ESD: variants seen among roughly 807,000 people sequenced by gnomAD.
ESD encodes S-formylglutathione hydrolase.
Under a neutral mutation model 38.1 loss-of-function variants are expected in ESD, and 34 were observed. The ratio of observed to expected loss-of-function variants is 0.89; its 90% CI spans 0.68 to 1.19. The LOEUF (loss-of-function observed/expected upper bound fraction) is 1.19. ESD is among the 50% of genes most tolerant of loss of function. The pLI, the probability that ESD is intolerant of heterozygous loss-of-function variation, is 0.00. For synonymous variants in ESD, 97 were observed against 107.0 expected (o/e 0.91, Z 0.58); for missense variants, 334 against 327.2 (o/e 1.02, Z -0.16).
chr13:46,791,590 C>T (rs1435533825), intron 2 of ESD, among the ~76,000 whole-genome samples, 170 bp from the exon 3 acceptor site: 1 of 151,980 alleles, frequency 6.6e-6, no homozygotes, highest in East Asian at 1.9e-4. Context: ...GATTAACGCT[C>T]ATACATGCAT....
At chr13:46,787,709 T>C (rs1214958436) in intron 3 of ESD, among the ~76,000 whole-genome samples, 3 of 151,970 alleles carry the variant, frequency 2.0e-5, no homozygotes, top group Non-Finnish European at 4.4e-5. Flanking sequence ...TAAACACCTA[T>C]CTTTTTATCA....
At chr13:46,779,891 T>C (rs1230509372) in intron 8 of ESD, 44 bp downstream of exon 8, 1 of 1,473,862 alleles carries the variant, frequency 6.8e-7, no homozygotes, top group Admixed American at 1.8e-5. Flanking sequence ...TTAAACAAAC[T>C]TGAAACTTAA....
intron 9 of ESD, among the ~76,000 whole-genome samples, chr13:46,774,131 G>A (rs997816073): frequency 1.6e-4 from 25 of 152,118 alleles, no homozygotes; most frequent in Non-Finnish European, 3.1e-4. Flanking sequence ...TGTGTTAAGA[G>A]CCATCAGACA....
rs1874998301 is a variant in ESD, at chr13:46,781,496, T to C, written c.501A>G (p.Lys167=). The C allele has an allele frequency of 6.3e-7, 1 of 1,592,568 alleles. No individual in the cohort carries two copies. Among genetic ancestry groups the C allele is most frequent in the African/African-American group, 1.4e-5 (1 of 73,624 alleles). The change falls in exon 7 of 10, where the codon AAA becomes AAG. Residue 167 remains lysine, a splice_region_variant and synonymous_variant. Coordinates refer to ENST00000378720, the MANE Select transcript of ESD (RefSeq NM_001984.2). ...ICALKNPGKY[K]SVSAFAPICN... The stretch of plus-strand genomic sequence containing the variant: ...TCACTAGAAGTTTAGATAATCTTAC[T>C]TTGTATTTTCCAGGATTTTTCAAAG...
intron 3 of ESD, among the ~76,000 whole-genome samples, chr13:46,790,930 GT>G (rs1418680364): frequency 1.3e-5 from 2 of 152,158 alleles, no homozygotes; most frequent in African/African-American, 2.4e-5. Context: ...GTGCGTGTGT[GT>G]TTAATCTCTT....
intron 2 of ESD, among the ~76,000 whole-genome samples, chr13:46,792,833 A>G (rs947529019): frequency 2.0e-5 from 3 of 152,014 alleles, no homozygotes; most frequent in Admixed American, 2.0e-4. Flanking sequence ...ATTTTAATAT[A>G]TTAATACATA....
chr13:46,777,517 G>A lies in ESD; in HGVS notation c.707C>T (p.Pro236Leu). The A allele has an allele frequency of 6.2e-7, 1 of 1,611,232 alleles. No homozygotes were observed. Residue 236 changes from proline to leucine, a missense_variant, in exon 9 of 10, where the codon CCT becomes CTT. By Grantham distance (98) the Pro-to-Leu change is moderately conservative. Coordinates refer to ENST00000378720, the MANE Select transcript of ESD (RefSeq NM_001984.2). ...DQFLLDGQLL[P>L]DNFIAACTEK... ...TGTACAGGCAGCTATGAAGTTATCA[G>A]GGAGTAACTGTCCATCTAAAAGAAA...
rs184715188 is a variant in ESD, at chr13:46,771,482, G to A, written c.783C>T (p.Ser261=). ...VFRLQEGYDH[S]YYFIATFITD... is the part of the protein sequence containing the mutation. ...TAATAAAGGTTGCAATGAAGTAGTA[G>A]CTATGATCATAACCCTAGAAGATAA... The change falls in exon 10 of 10, where the codon AGC becomes AGT. Residue 261 remains serine, a synonymous_variant. Coordinates refer to ENST00000378720, the MANE Select transcript of ESD (RefSeq NM_001984.2). 2.1e-5 allele frequency: 34 copies of A among 1,599,782 alleles called. No homozygotes were observed. In the East Asian group the frequency reaches 7.2e-4, roughly 34 times the overall value.
intron 9 of ESD, 98 bp downstream of exon 9, chr13:46,777,358 G>T: frequency 1.1e-6 from 1 of 941,618 alleles, no homozygotes; most frequent in Non-Finnish European, 1.5e-6. Flanking sequence ...ACTAGAAGTA[G>T]CATTTTATAT....
intron 1 of ESD, among the ~76,000 whole-genome samples, chr13:46,795,478 G>A (rs1875540605): frequency 6.6e-6 from 1 of 152,250 alleles, no homozygotes; most frequent in East Asian, 1.9e-4. Context: ...AACGCAGTTC[G>A]CCAGCTCACA....
Position 46,791,424 on chromosome 13 carries a change from T to C in ESD, c.-7-4A>G, listed in dbSNP as rs1189030259. The C allele has an allele frequency of 5.0e-6, 8 of 1,607,992 alleles. No homozygotes were observed. The highest frequency in any genetic ancestry group is 6.8e-6 in the Non-Finnish European group (8 of 1,176,050). On this transcript the variant is annotated splice_region_variant and splice_polypyrimidine_tract_variant and intron_variant, in intron 2 of 9. Transcript: ENST00000378720. ...CTGCTTCAATGCCATTCTTTTCCTA[T>C]TAGTAAAGAGTAATCTCATTAATTT...
At chr13:46,786,291 C>T (rs1336108878) in intron 4 of ESD, among the ~76,000 whole-genome samples, 2 of 151,864 alleles carry the variant, frequency 1.3e-5, no homozygotes, top group African/African-American at 4.8e-5. Flanking sequence ...TGATGAAACA[C>T]ACATGAGGGA....
intron 9 of ESD, chr13:46,776,580 G>A (rs1201319699): frequency 6.6e-6 from 1 of 152,054 alleles, no homozygotes; most frequent in Admixed American, 6.6e-5. Flanking sequence ...AGATGGATAG[G>A]AAAGAAATGA....
chr13:46,771,890 G>C (rs2138279629), intron 9 of ESD, among the ~76,000 whole-genome samples: 1 of 152,180 alleles, frequency 6.6e-6, no homozygotes, highest in Admixed American at 6.5e-5. Context: ...TCAATTGACA[G>C]TGTCAGTTGA....
At position 46,779,931 on chromosome 13, in the gene ESD, C is replaced by T. The variant is rs1874940233; in HGVS notation, c.600+4G>A. The T allele has an allele frequency of 6.3e-7, 1 of 1,596,098 alleles. No individual in the cohort carries two copies. Among genetic ancestry groups the T allele is most frequent in the Admixed American group, 1.7e-5 (1 of 59,018 alleles). On this transcript the variant is annotated splice_donor_region_variant and intron_variant, in intron 8 of 9. Coordinates refer to ENST00000378720, the MANE Select transcript of ESD (RefSeq NM_001984.2). Reference sequence around the variant, plus strand: ...GAGTATTAAGACAGCCATTCAGTACCTACCTTCCATTTACTTTGATCTGTT... The same window carrying T: ...GAGTATTAAGACAGCCATTCAGTACTTACCTTCCATTTACTTTGATCTGTT...
intron 9 of ESD, chr13:46,775,981 T>G: frequency 4.4e-6 from 1 of 229,634 alleles, no homozygotes; most frequent in Non-Finnish European, 8.8e-6. Context: ...ACAACAGAAA[T>G]TTTGGGCCCA....
At chr13:46,782,517 G>C in intron 6 of ESD, 150 bp downstream of exon 6, 3 of 670,998 alleles carry the variant, frequency 4.5e-6, no homozygotes, top group Non-Finnish European at 7.3e-6. Flanking sequence ...TTAAATTGCA[G>C]TAAATAGAAC....
At chr13:46,796,309 T>C (rs1440778416) in intron 1 of ESD, among the ~76,000 whole-genome samples, 1 of 152,244 alleles carries the variant, frequency 6.6e-6, no homozygotes, top group African/African-American at 2.4e-5. Context: ...AGCTAATCTA[T>C]GCCTCATTTG....
chr13:46,771,947 G>C (rs1048179520), intron 9 of ESD, among the ~76,000 whole-genome samples: 1 of 152,040 alleles, frequency 6.6e-6, no homozygotes, highest in African/African-American at 2.4e-5. Flanking sequence ...AGGATTTAGA[G>C]ATCTTAGAAA....
Sources: gnomAD v4.1 joint callset for allele counts (sites outside exome capture counted in the v4.1 genomes callset) on GRCh38, gnomAD v4.1.1 for gene constraint, MANE v1.5 for transcripts, NCBI Gene and HGNC (gene_info 2026-07-23, HGNC 2026-07-21) for gene names.